HSPA12A: variants seen among roughly 807,000 people sequenced by gnomAD.
The protein encoded by HSPA12A is heat shock 70 kDa protein 12A.
Under a neutral mutation model 69.2 loss-of-function variants are expected in HSPA12A, and 28 were observed. The ratio of observed to expected loss-of-function variants is 0.40; its 90% CI spans 0.30 to 0.55. The LOEUF is 0.55. HSPA12A is among the 20% of genes least tolerant of loss of function. The pLI is 0.38. For missense variants in HSPA12A, 686 were observed against 900.7 expected (o/e 0.76, Z 3.05); for synonymous variants, 345 against 370.5 (o/e 0.93, Z 0.79).
intron 2 of HSPA12A, among the ~76,000 whole-genome samples, chr10:116,827,775 C>T (rs982146641): frequency 1.3e-5 from 2 of 152,192 alleles, no homozygotes; most frequent in African/African-American, 4.8e-5. Flanking sequence ...TTGGGGATGT[C>T]CAAGGGACAG....
rs1235557709 is a variant in HSPA12A at position 116,686,304 on chromosome 10, G to A, written c.664-2342C>T. Among the ~76,000 whole-genome samples the A allele has an allele frequency of 2.6e-5, 4 of 152,200 alleles. No individual in the cohort carries two copies. The highest frequency in any genetic ancestry group is 4.4e-5 in the Non-Finnish European group (3 of 68,040). ...TAAGACCAAGAGGGGCCCCTTCCGA[G>A]GGACAGCTCCTGTGCTGATTCTTCC... On this transcript the variant is annotated intron_variant, in intron 6 of 11. Transcript: ENST00000369209. This position sits in a 1 kb window ranked among gnomAD's most constrained non-coding sequence, Gnocchi z 4.1.
At chr10:116,792,373 GATGAAGCAGAGGTAAT>G (rs1240963531) in intron 2 of HSPA12A, among the ~76,000 whole-genome samples, 3 of 151,780 alleles carry the variant, frequency 2.0e-5, no homozygotes, top group East Asian at 3.9e-4. Context: ...AATGAAAGTA[GATGAAGCAGAGGTAAT>G]ATAAGAAGAT....
At chr10:116,734,059 C>G (rs77494191) in intron 1 of HSPA12A, among the ~76,000 whole-genome samples, 1 of 152,144 alleles carries the variant, frequency 6.6e-6, no homozygotes, top group Admixed American at 6.5e-5. Context: ...GCTACCGGAA[C>G]CTTTCCAAAA....
upstream of HSPA12A, among the ~76,000 whole-genome samples, chr10:116,743,838 A>G (rs1851586158): frequency 1.3e-5 from 2 of 152,260 alleles, no homozygotes; most frequent in African/African-American, 4.8e-5. Context: ...CCAAATGGAC[A>G]GTTCCTGGCT....
At chr10:116,822,619 T>A (rs1320418847) in intron 2 of HSPA12A, among the ~76,000 whole-genome samples, 2 of 152,208 alleles carry the variant, frequency 1.3e-5, no homozygotes, top group East Asian at 3.9e-4. Context: ...ACTGGTTGGA[T>A]ACGGTTCTTC....
At chr10:116,806,649 C>A (rs1845073822) in intron 2 of HSPA12A, among the ~76,000 whole-genome samples, 1 of 152,178 alleles carries the variant, frequency 6.6e-6, no homozygotes, top group South Asian at 2.1e-4. Context: ...ACTGAAGGAT[C>A]AGTATCTACT....
Position 116,847,070 on chromosome 10 carries a change from A to G in HSPA12A, c.3+2496T>C, listed in dbSNP as rs563601755. 7.2e-5 allele frequency among the ~76,000 whole-genome samples: 11 copies of G among 152,308 alleles called. No homozygotes were observed. In the East Asian group the frequency reaches 1.9e-3, roughly 27 times the overall value. On this transcript the variant is annotated intron_variant, in intron 1 of 12. Coordinates refer to the HSPA12A transcript ENST00000635765. The stretch of plus-strand genomic sequence containing the variant: ...GTGGATGTTGTCTATCAGGATCTTC[A>G]GTCCTCCCTTTTCTCTGGGATACCA...
intron 1 of HSPA12A, among the ~76,000 whole-genome samples, chr10:116,844,275 A>G (rs1681750): frequency 0.046 from 7,066 of 152,280 alleles, 259 homozygotes; most frequent in Non-Finnish European, 0.064. Context: ...AGGCATACAA[A>G]AATGCCCAAT....
intron 2 of HSPA12A, among the ~76,000 whole-genome samples, chr10:116,778,722 T>C (rs1220405318): frequency 1.3e-5 from 2 of 151,968 alleles, no homozygotes; most frequent in African/African-American, 2.4e-5. Flanking sequence ...GTGGGCAACA[T>C]GGTGAGACCA....
At chr10:116,831,410 G>T (rs1324852024) in intron 2 of HSPA12A, 4 of 152,212 alleles carry the variant, frequency 2.6e-5, no homozygotes, top group African/African-American at 7.2e-5. Context: ...TTTGTTCAAA[G>T]GCCCTGTGGC....
At chr10:116,807,431 T>C (rs1483587739) in intron 2 of HSPA12A, among the ~76,000 whole-genome samples, 1 of 152,182 alleles carries the variant, frequency 6.6e-6, no homozygotes, top group African/African-American at 2.4e-5. Context: ...ACCCTGCTCA[T>C]ACCTTTGTAA....
chr10:116,834,714 CTGACTCAAGGG>C (rs1279106638), intron 2 of HSPA12A, among the ~76,000 whole-genome samples: 1 of 152,180 alleles, frequency 6.6e-6, no homozygotes, highest in Non-Finnish European at 1.5e-5. Flanking sequence ...AATTTGTTTC[CTGACTCAAGGG>C]TGCCTCTGAA....
At chr10:116,847,872 A>G (rs1052205886) in intron 1 of HSPA12A, among the ~76,000 whole-genome samples, 16 of 152,144 alleles carry the variant, frequency 1.1e-4, no homozygotes, top group Non-Finnish European at 1.5e-5. Flanking sequence ...ATGAATCAAG[A>G]CATCCCTGAG....
At chr10:116,707,061 T>C (rs1299448455) in intron 2 of HSPA12A, 139 bp downstream of exon 2, 2 of 677,362 alleles carry the variant, frequency 3.0e-6, no homozygotes, top group Non-Finnish European at 4.8e-6. Flanking sequence ...AACCAGTGAA[T>C]GTGAGGGGCT....
chr10:116,716,770 C>T (rs1362596988), intron 1 of HSPA12A, among the ~76,000 whole-genome samples: 1 of 152,122 alleles, frequency 6.6e-6, no homozygotes, highest in Non-Finnish European at 1.5e-5. Context: ...TGCCTCACCT[C>T]CCTCTGTGCC....
At position 116,675,399 on chromosome 10, in the gene HSPA12A, G is replaced by A. The variant is rs782631863; in HGVS notation, c.1410C>T (p.Pro470=). 21 of 1,597,844 alleles carry A rather than the reference G, an allele frequency of 1.3e-5. No homozygotes were observed. Among genetic ancestry groups the A allele is most frequent in the East Asian group, 4.5e-5 (2 of 44,296 alleles). Residue 470 remains proline, a synonymous_variant, in exon 12 of 12, where the codon CCC becomes CCT. Coordinates refer to ENST00000369209, the MANE Select transcript of HSPA12A (RefSeq NM_025015.3). This position sits in a 1 kb window ranked among gnomAD's most constrained non-coding sequence, Gnocchi z 5.2. ...AGAGGAACTTGACGGTGGACACCTC[G>A]GGCTTCTGAAACAGGTCCCCTGGAA... ...IEHLRDLFQK[P]EVSTVKFLFL...
At chr10:116,718,407 A>G (rs1329240108) in intron 1 of HSPA12A, among the ~76,000 whole-genome samples, 1 of 152,208 alleles carries the variant, frequency 6.6e-6, no homozygotes, top group Non-Finnish European at 1.5e-5. Context: ...CACCATCTCC[A>G]GGCAGGAAGG....
At chr10:116,830,821 C>T in intron 2 of HSPA12A, 1 of 134,648 alleles carries the variant, frequency 7.4e-6, no homozygotes, top group Non-Finnish European at 1.5e-5. Flanking sequence ...ATATAAAAGC[C>T]TATCTAAATA....
intron 1 of HSPA12A, among the ~76,000 whole-genome samples, chr10:116,733,074 G>C (rs1182983930): frequency 6.6e-6 from 1 of 152,166 alleles, no homozygotes; most frequent in Non-Finnish European, 1.5e-5. Context: ...CACCCAAACT[G>C]ATAACCATCA....
Sources: gnomAD v4.1 joint callset for allele counts (sites outside exome capture counted in the v4.1 genomes callset) on GRCh38, gnomAD v4.1.1 for gene constraint, Gnocchi (gnomAD v3.1) non-coding constraint, MANE v1.5 for transcripts, NCBI Gene and HGNC (gene_info 2026-07-23, HGNC 2026-07-21) for gene names.